The following ATM variants were observed in gnomAD, a reference collection of about 807,000 sequenced individuals.
The protein encoded by ATM is ATM serine/threonine kinase.
In ATM, 308 loss-of-function variants were observed where a neutral mutation model predicts 387.0. The observed-to-expected ratio is 0.80, with a 90% CI of 0.73 to 0.87. The LOEUF (loss-of-function observed/expected upper bound fraction) is 0.87. Among genes scored for constraint, ATM ranks in the 40% least tolerant of loss-of-function variants. The pLI is 0.00. For missense variants in ATM, 3,312 were observed against 3,560.9 expected, an observed-to-expected ratio of 0.93 and a Z score of 1.78; for synonymous variants, 1,156 against 1,187.3, an observed-to-expected ratio of 0.97 and a Z score of 0.54.
At chr11:108,236,356 CAACA>C (rs2079276747) in intron 5 of ATM, 1 of 161,972 alleles carries the variant, frequency 6.2e-6, no homozygotes, top group African/African-American at 2.4e-5. Flanking sequence ...CCAGCCTGGG[CAACA>C]TGGTGAAACT....
chr11:108,292,306 A>T (rs1407655308), intron 29 of ATM, among the ~76,000 whole-genome samples: 1 of 152,162 alleles, frequency 6.6e-6, no homozygotes, highest in East Asian at 1.9e-4. Flanking sequence ...GCTGTTTTTC[A>T]GTTGGATTTT....
intron 4 of ATM, 68 bp downstream of exon 4, chr11:108,229,391 T>TTG (rs1430272007): frequency 4.1e-6 from 6 of 1,481,198 alleles, no homozygotes; most frequent in Non-Finnish European, 4.6e-6. Context: ...TTTTTTTTTT[T>TTG]TCAGATCATT....
At chr11:108,316,635 C>T (rs999552121) in intron 42 of ATM, among the ~76,000 whole-genome samples, 5 of 151,256 alleles carry the variant, frequency 3.3e-5, no homozygotes, top group Non-Finnish European at 4.4e-5. Flanking sequence ...TTTGGCCAGG[C>T]GTGGTGGCTT....
Position 108,297,296 on chromosome 11 carries a change from A to C in ATM, c.4919A>C (p.Gln1640Pro), listed in dbSNP as rs1555103190. The C allele has an allele frequency of 6.2e-7, 1 of 1,613,694 alleles. No homozygotes were observed. Among genetic ancestry groups the C allele is most frequent in the Non-Finnish European group, 8.5e-7 (1 of 1,179,696 alleles). Residue 1640 changes from glutamine to proline, a missense_variant, in exon 33 of 63, where the codon CAA (glutamine) becomes CCA (proline). Gln to Pro is a moderately conservative substitution (Grantham distance 76). This residue lies in a region of ATM where 1,405 missense variants were observed against 1,604.4 expected (regional missense o/e 0.88). Coordinates refer to ENST00000675843, the MANE Select transcript of ATM (RefSeq NM_000051.4). ...AAAAAATTATTTCTAGATAATCCGCAAGATGGGATTATGGTGAAACTAGTT... is the reference window on the plus strand; with the variant it reads ...AAAAAATTATTTCTAGATAATCCGCCAGATGGGATTATGGTGAAACTAGTT... Reference protein sequence around the residue: ...DIMRASQDNPQDGIMVKLVVN... With the variant: ...DIMRASQDNPPDGIMVKLVVN...
intron 24 of ATM, among the ~76,000 whole-genome samples, chr11:108,282,320 C>T (rs2082276041): frequency 1.3e-5 from 2 of 152,040 alleles, no homozygotes; most frequent in African/African-American, 4.8e-5. Flanking sequence ...TACAGACGGG[C>T]TCTTGCTATG....
chr11:108,312,551 T>A (rs2084265757), intron 40 of ATM, 53 bp downstream of exon 40: 1 of 1,310,272 alleles, frequency 7.6e-7, no homozygotes, highest in Non-Finnish European at 1.1e-6. Context: ...ATACTTTGGG[T>A]TATTTTGTTA....
chr11:108,369,072 G>A lies in ATM; in HGVS notation c.*3564G>A, dbSNP rs968197352. On this transcript the variant is annotated 3_prime_UTR_variant, in exon 63 of 63. Coordinates refer to ENST00000675843, the MANE Select transcript of ATM (RefSeq NM_000051.4). ...TACTGTTACCTGAATTTATTATAAAGTGTTTTTGAATAAATAATTCTAAAA... is the reference window on the plus strand; with the variant it reads ...TACTGTTACCTGAATTTATTATAAAATGTTTTTGAATAAATAATTCTAAAA... 1 of 172,938 alleles carries A rather than the reference G, an allele frequency of 5.8e-6. No homozygotes were observed. Among genetic ancestry groups the A allele is most frequent in the African/African-American group, 2.4e-5 (1 of 42,064 alleles). 10.7% of individuals were successfully genotyped at this position (172,938 alleles called of 1,614,324 possible).
intron 13 of ATM, 105 bp downstream of exon 13, chr11:108,254,144 C>A: frequency 8.9e-7 from 1 of 1,119,264 alleles, no homozygotes; most frequent in Non-Finnish European, 1.3e-6. Context: ...TGGTGGGAGG[C>A]TTCATTTTAA....
intron 61 of ATM, among the ~76,000 whole-genome samples, chr11:108,356,821 G>C (rs375861360): frequency 2.6e-5 from 4 of 152,226 alleles, no homozygotes; most frequent in African/African-American, 4.8e-5. Flanking sequence ...ACAGTGGCCA[G>C]ATCCTTTGCC....
In ATM at chr11:108,362,700, C is replaced by G. The variant is rs936903249; in HGVS notation, c.8851-2382C>G. ...CATTCTCAGTAAACTATCGCAAGAA[C>G]AAAAAACCAAACACCGCATATTCTC... On this transcript the variant is annotated intron_variant, in intron 61 of 62. Transcript: ENST00000675843. 7.0e-5 allele frequency among the ~76,000 whole-genome samples: 10 copies of G among 143,058 alleles called. 1 individual carries two copies. In the South Asian group the frequency reaches 1.4e-3, roughly 20 times the overall value. 93.9% of individuals were successfully genotyped at this position (143,058 alleles called of 152,430 possible).
intron 30 of ATM, 52 bp from the exon 31 acceptor site, chr11:108,293,257 GCTTA>G (rs1349661071): frequency 4.0e-5 from 45 of 1,124,448 alleles, no homozygotes; most frequent in Middle Eastern, 3.0e-4. Context: ...AGTTTTGTTG[GCTTA>G]CTTTAAAATT....
At chr11:108,301,530 TGTAAA>T in intron 34 of ATM, 113 bp from the exon 35 acceptor site, 1 of 1,260,258 alleles carries the variant, frequency 7.9e-7, no homozygotes, top group Non-Finnish European at 1.1e-6. Context: ...ATTTTGTAAA[TGTAAA>T]GTTTCCTAAT....
At chr11:108,257,672 T>G (rs2135409889) in intron 15 of ATM, 66 bp downstream of exon 15, 3 of 1,493,190 alleles carry the variant, frequency 2.0e-6, no homozygotes, top group Non-Finnish European at 2.8e-6. Context: ...CAGGCTGGAG[T>G]GCAGTGGGAT....
rs1177614796 is a variant in ATM, at chr11:108,272,578, C to A, written c.3124C>A (p.Leu1042Ile). The stretch of plus-strand genomic sequence containing the variant: ...ATATATATTCTCTGTAAGAATGGCC[C>A]TAGTAAATTGCCTTAAAACTTTGCT... The part of the protein sequence containing the change: ...RKYIFSVRMA[L>I]VNCLKTLLEA... Residue 1042 changes from leucine to isoleucine, a missense_variant, in exon 21 of 63, where the codon CTA becomes ATA. Leu to Ile is a conservative substitution (Grantham distance 5). Around this residue, in one of 4 missense-constraint regions of ATM, gnomAD observed 1,791 missense variants for 1,804.5 expected, o/e 0.99. Transcript: ENST00000675843. The A allele has an allele frequency of 6.2e-7, 1 of 1,613,748 alleles. No individual in the cohort carries two copies. The highest frequency in any genetic ancestry group is 8.5e-7 in the Non-Finnish European group (1 of 1,179,760).
intron 6 of ATM, 92 bp downstream of exon 6, chr11:108,244,210 TA>T: frequency 7.0e-7 from 1 of 1,432,406 alleles, no homozygotes; most frequent in East Asian, 2.3e-5. Context: ...AATTCTACCT[TA>T]AAATAAAACA....
Position 108,300,792 on chromosome 11 carries a change from T to C in ATM, c.5178-856T>C, listed in dbSNP as rs1227082477. 1.3e-5 allele frequency among the ~76,000 whole-genome samples: 2 copies of C among 152,076 alleles called. 1 individual carries two copies. Reference sequence around the variant, plus strand: ...AGTAAACACCCATATGCTTATCATATAGTATCTATATTTTATGCTGTCCTT... The same window carrying C: ...AGTAAACACCCATATGCTTATCATACAGTATCTATATTTTATGCTGTCCTT... On this transcript the variant is annotated intron_variant, in intron 34 of 62. Coordinates refer to ENST00000675843, the MANE Select transcript of ATM (RefSeq NM_000051.4).
rs753570046 is a variant in ATM, at chr11:108,289,697, G to A, written c.4332G>A (p.Leu1444=). The change falls in exon 29 of 63, where the codon CTG becomes CTA. Residue 1444 remains leucine, a synonymous_variant. Transcript: ENST00000675843. ...KKHRILKIYH[L]FVSLLLKDIK... ...ACAGAATTCTTAAAATATATCACCT[G>A]TTTGTTAGTTTATTACTGAAAGATA... 39 of 1,613,408 alleles carry A rather than the reference G, an allele frequency of 2.4e-5. No individual in the cohort carries two copies. Among genetic ancestry groups the A allele is most frequent in the Non-Finnish European group, 3.0e-5 (35 of 1,179,832 alleles).
chr11:108,272,911 T>C (rs1040138780), intron 22 of ATM, 59 bp downstream of exon 22: 2 of 1,605,018 alleles, frequency 1.2e-6, no homozygotes, highest in African/African-American at 2.7e-5. Flanking sequence ...TAGAATGTCT[T>C]ACATAGTAAC....
At chr11:108,316,232 G>A in intron 42 of ATM, 119 bp downstream of exon 42, 2 of 996,900 alleles carry the variant, frequency 2.0e-6, no homozygotes, top group East Asian at 2.6e-5. Flanking sequence ...GAACTTATCT[G>A]TTTTTCAGAG....
Sources: gnomAD v4.1 joint callset for allele counts (sites outside exome capture counted in the v4.1 genomes callset) on GRCh38, gnomAD v4.1.1 for gene constraint, gnomAD v4.1.1 regional missense constraint, MANE v1.5 for transcripts, NCBI Gene and HGNC (gene_info 2026-07-23, HGNC 2026-07-21) for gene names.